TIAM1: variants seen among roughly 807,000 people sequenced by gnomAD.
TIAM1 encodes the protein rho guanine nucleotide exchange factor TIAM1.
In TIAM1, 65 loss-of-function variants were observed where a neutral mutation model predicts 163.5. That is an observed-to-expected ratio of 0.40 (90% confidence interval 0.33 to 0.49). The LOEUF (loss-of-function observed/expected upper bound fraction) is 0.49. Ranked by LOEUF, TIAM1 falls within the 20% of genes least tolerant of loss-of-function variation. The pLI is 0.77. For synonymous variants in TIAM1, 833 were observed against 810.1 expected (o/e 1.03, Z -0.48); for missense variants, 1,789 against 2,044.7 (o/e 0.87, Z 2.41).
chr21:31,362,454 T>TATC (rs2076423370), intron 2 of TIAM1, among the ~76,000 whole-genome samples: 1 of 146,342 alleles, frequency 6.8e-6, no homozygotes, highest in Admixed American at 6.8e-5. Context: ...CAATTATTAT[T>TATC]ATTATTATTA....
rs754817467 is a variant in TIAM1 at position 31,152,021 on chromosome 21, C to CTTTT, written c.3366+611_3366+614dup. On this transcript the variant is annotated intron_variant, in intron 19 of 27. Transcript: ENST00000541036. ...TTGTTTACTGGGTAACCAGAAGTGC[C>CTTTT]TTTTTTTTTTTTTTTTTTTTTTTTT... 4.5e-5 allele frequency among the ~76,000 whole-genome samples: 5 copies of CTTTT among 112,306 alleles called. No individual in the cohort carries two copies. In the East Asian group the frequency reaches 1.3e-3, roughly 29 times the overall value. The allele number at this position is 112,306 out of a possible 152,430, so 73.7% of individuals were successfully genotyped here.
intron 1 of TIAM1, among the ~76,000 whole-genome samples, chr21:31,471,952 TTGA>T (rs1184438928): frequency 6.9e-6 from 1 of 145,792 alleles, no homozygotes; most frequent in Admixed American, 6.8e-5. Context: ...GGCGGGAGCC[TTGA>T]GTCCACAGGG....
chr21:31,465,602 G>A (rs950005236), intron 1 of TIAM1, among the ~76,000 whole-genome samples: 18 of 149,148 alleles, frequency 1.2e-4, no homozygotes, highest in African/African-American at 3.7e-4. Flanking sequence ...ACGGAGTCTC[G>A]CCCTGTTACC....
At chr21:31,389,439 C>A (rs1043446235) in intron 2 of TIAM1, among the ~76,000 whole-genome samples, 2 of 152,154 alleles carry the variant, frequency 1.3e-5, no homozygotes, top group Non-Finnish European at 2.9e-5. Context: ...GAACTCCTGA[C>A]CCCAGGTGAT....
At chr21:31,247,431 G>A (rs745607037) in intron 5 of TIAM1, among the ~76,000 whole-genome samples, 2 of 152,090 alleles carry the variant, frequency 1.3e-5, no homozygotes, top group African/African-American at 2.4e-5. Flanking sequence ...GGGTCCCACT[G>A]TTGCTCAGGC....
chr21:31,538,521 C>T (rs1026025720), intron 1 of TIAM1, among the ~76,000 whole-genome samples: 8 of 152,250 alleles, frequency 5.3e-5, no homozygotes, highest in African/African-American at 1.9e-4. Flanking sequence ...AATGTTAGTG[C>T]ATAGCTTCCT....
intron 6 of TIAM1, among the ~76,000 whole-genome samples, chr21:31,238,861 T>A (rs1452385489): frequency 6.6e-6 from 1 of 152,172 alleles, no homozygotes; most frequent in Non-Finnish European, 1.5e-5. Context: ...TTGGGTCCAA[T>A]TACTAGCTTT....
intron 6 of TIAM1, among the ~76,000 whole-genome samples, chr21:31,228,244 A>AGAAATAATCTGATAAGGATTTTTCCTTT (rs1569068929): frequency 5.8e-5 from 3 of 51,902 alleles, no homozygotes; most frequent in Non-Finnish European, 1.9e-4. Context: ...AAAAAAAAAA[A>AGAAATAATCTGATAAGGATTTTTCCTTT]AAAAAAAAAA....
At chr21:31,183,424 A>G (rs1016497870) in intron 14 of TIAM1, among the ~76,000 whole-genome samples, 1 of 152,216 alleles carries the variant, frequency 6.6e-6, no homozygotes, top group African/African-American at 2.4e-5. Context: ...GGTGGGAAGA[A>G]CATGAAAGAA....
chr21:31,207,059 G>A (rs559617736), intron 11 of TIAM1, among the ~76,000 whole-genome samples: 10 of 152,228 alleles, frequency 6.6e-5, no homozygotes, highest in South Asian at 6.2e-4. Context: ...ACAGAATGAC[G>A]TAGTAAAAGC....
chr21:31,315,454 G>GT (rs2075081234), intron 2 of TIAM1, among the ~76,000 whole-genome samples: 1 of 151,768 alleles, frequency 6.6e-6, no homozygotes, highest in Non-Finnish European at 1.5e-5. Flanking sequence ...GGCGGAGCTT[G>GT]CAGTGAGCCA....
At chr21:31,261,433 C>T (rs1415124051) in intron 4 of TIAM1, among the ~76,000 whole-genome samples, 4 of 152,020 alleles carry the variant, frequency 2.6e-5, no homozygotes, top group African/African-American at 4.8e-5. Flanking sequence ...GATTTTTGGC[C>T]GGGTGCGGTG....
At chr21:31,527,091 G>A (rs1349255551) in intron 1 of TIAM1, among the ~76,000 whole-genome samples, 1 of 152,122 alleles carries the variant, frequency 6.6e-6, no homozygotes, top group Non-Finnish European at 1.5e-5. Context: ...AGACACCGGA[G>A]AAACTGGGCT....
chr21:31,424,599 G>A (rs748597879), intron 2 of TIAM1, among the ~76,000 whole-genome samples: 15 of 152,192 alleles, frequency 9.9e-5, no homozygotes, highest in Non-Finnish European at 1.8e-4. Flanking sequence ...CAAATTCATA[G>A]AGAAGGAAGG....
intron 1 of TIAM1, among the ~76,000 whole-genome samples, chr21:31,489,032 A>G (rs958609447): frequency 6.6e-6 from 1 of 151,722 alleles, no homozygotes; most frequent in Admixed American, 6.6e-5. Context: ...TGCCAAGCAT[A>G]TATTTCAAGA....
chr21:31,382,662 C>T (rs970788200), intron 2 of TIAM1, among the ~76,000 whole-genome samples: 36 of 152,122 alleles, frequency 2.4e-4, no homozygotes, highest in Admixed American at 1.5e-3. Flanking sequence ...TTTCTTTTGA[C>T]AGTTTATAAA....
At chr21:31,398,061 C>T (rs368912467) in intron 2 of TIAM1, among the ~76,000 whole-genome samples, 8 of 151,612 alleles carry the variant, frequency 5.3e-5, no homozygotes, top group South Asian at 2.1e-4. Flanking sequence ...TGACCTCCCC[C>T]CTACAACCTC....
At chr21:31,254,268 C>T (rs768882568) in intron 4 of TIAM1, among the ~76,000 whole-genome samples, 8 of 152,226 alleles carry the variant, frequency 5.3e-5, no homozygotes, top group Non-Finnish European at 7.3e-5. Context: ...TGACAGCCTG[C>T]GGCTTAGAAA....
intron 1 of TIAM1, among the ~76,000 whole-genome samples, chr21:31,539,367 G>A (rs138138274): frequency 0.036 from 5,383 of 150,274 alleles, 523 homozygotes; most frequent in African/African-American, 0.13. Context: ...CCGGGTTCAC[G>A]CCATTCTCCT....
Sources: gnomAD v4.1 joint callset for allele counts (sites outside exome capture counted in the v4.1 genomes callset) on GRCh38, gnomAD v4.1.1 for gene constraint, MANE v1.5 for transcripts, NCBI Gene and HGNC (gene_info 2026-07-23, HGNC 2026-07-21) for gene names.